Variants in MRPS28 observed in about 807,000 individuals in gnomAD.
MRPS28 encodes small ribosomal subunit protein bS1m.
MRPS28 carries 7 observed loss-of-function variants against 10.8 expected under a neutral mutation model. That is an observed-to-expected ratio of 0.65 (90% CI 0.37 to 1.22). MRPS28 has a LOEUF of 1.22. Among genes scored for constraint, MRPS28 ranks in the 50% most tolerant of loss-of-function variants. MRPS28 has a pLI of 0.02. For missense variants in MRPS28, 265 were observed against 232.9 expected (o/e 1.14, Z -0.90); for synonymous variants, 121 against 93.3 (o/e 1.30, Z -1.71).
chr8:79,973,928 T>C (rs751929719), intron 2 of MRPS28, among the ~76,000 whole-genome samples: 1 of 152,238 alleles, frequency 6.6e-6, no homozygotes, highest in Non-Finnish European at 1.5e-5. Flanking sequence ...TATTTTATTA[T>C]TTTTTAGAGA....
intron 2 of MRPS28, among the ~76,000 whole-genome samples, chr8:79,965,160 A>G (rs906868915): frequency 4.6e-5 from 7 of 152,142 alleles, no homozygotes; most frequent in Non-Finnish European, 8.8e-5. Flanking sequence ...AGAAAAGACA[A>G]TAACAAACAT....
intron 2 of MRPS28, among the ~76,000 whole-genome samples, chr8:79,920,193 T>A (rs1810049917): frequency 1.3e-5 from 2 of 152,296 alleles, no homozygotes; most frequent in South Asian, 2.1e-4. Context: ...TCTATCATTG[T>A]TGGACATTTG....
At chr8:80,000,366 A>T (rs1429589976) in intron 2 of MRPS28, among the ~76,000 whole-genome samples, 2 of 152,210 alleles carry the variant, frequency 1.3e-5, no homozygotes, top group African/African-American at 4.8e-5. Flanking sequence ...ACTACAGAAC[A>T]AAGAGATGTA....
chr8:80,013,440 G>A (rs1207648440), intron 1 of MRPS28, among the ~76,000 whole-genome samples: 1 of 151,852 alleles, frequency 6.6e-6, no homozygotes, highest in Non-Finnish European at 1.5e-5. Context: ...TTCGAGAACA[G>A]CCTGACCAAC....
intron 1 of MRPS28, among the ~76,000 whole-genome samples, chr8:80,010,025 A>G (rs1808988531): frequency 6.6e-6 from 1 of 152,232 alleles, no homozygotes; most frequent in African/African-American, 2.4e-5. Flanking sequence ...TCTTTCTCCT[A>G]AAGTAAATTC....
intron 2 of MRPS28, among the ~76,000 whole-genome samples, chr8:79,954,020 A>G (rs1347393075): frequency 6.6e-6 from 1 of 152,190 alleles, no homozygotes; most frequent in East Asian, 1.9e-4. Flanking sequence ...TTTTTTAAAC[A>G]CTGACAGTAA....
intron 2 of MRPS28, among the ~76,000 whole-genome samples, chr8:79,993,879 C>T (rs1477431921): frequency 3.9e-5 from 6 of 152,194 alleles, no homozygotes; most frequent in Admixed American, 2.0e-4. Flanking sequence ...ACATATCACA[C>T]AATCTGAAAT....
chr8:79,954,311 T>C (rs146321677), intron 2 of MRPS28, among the ~76,000 whole-genome samples: 2 of 152,298 alleles, frequency 1.3e-5, no homozygotes, highest in Non-Finnish European at 2.9e-5. Flanking sequence ...GCATATCCTA[T>C]GACCAGCAAT....
intron 2 of MRPS28, among the ~76,000 whole-genome samples, chr8:79,980,331 A>G (rs1807921847): frequency 6.6e-6 from 1 of 152,220 alleles, no homozygotes. Flanking sequence ...CCATGATCTT[A>G]ACTAGTATTA....
intron 2 of MRPS28, among the ~76,000 whole-genome samples, chr8:79,948,344 T>A (rs1337647871): frequency 2.6e-5 from 4 of 152,238 alleles, no homozygotes; most frequent in Non-Finnish European, 5.9e-5. Flanking sequence ...TTGTTTTTTA[T>A]ACTGGCTGTG....
rs748917331 is a variant in MRPS28, at chr8:80,002,955, CT to C, written c.395+43del. ...CAACAATACTTTTGCGCTATCCCAA[CT>C]TTTATGAATACTCTTAAGGTACTTG... is the stretch of plus-strand genomic sequence containing the variant. On this transcript the variant is annotated intron_variant, in intron 2 of 2. Transcript: ENST00000276585. 7.0e-6 allele frequency: 10 copies of C among 1,435,158 alleles called. 1 individual carries two copies. The South Asian group carries it at 1.6e-4, about 23-fold the overall frequency. 88.9% of individuals were successfully genotyped at this position (1,435,158 alleles called of 1,614,324 possible).
intron 2 of MRPS28, among the ~76,000 whole-genome samples, chr8:79,982,930 A>G (rs561209261): frequency 2.0e-4 from 28 of 140,022 alleles, no homozygotes; most frequent in Non-Finnish European, 3.1e-4. Context: ...CCCAGCACAC[A>G]GCTGGAGATC....
intron 2 of MRPS28, among the ~76,000 whole-genome samples, chr8:79,981,067 A>T (rs183465006): frequency 3.3e-5 from 5 of 152,292 alleles, no homozygotes; most frequent in Admixed American, 2.6e-4. Context: ...AGTGGCTCAC[A>T]CCTGTAAACC....
chr8:79,990,384 T>C (rs1319683173), intron 2 of MRPS28, among the ~76,000 whole-genome samples: 2 of 152,100 alleles, frequency 1.3e-5, no homozygotes, highest in Admixed American at 1.3e-4. Flanking sequence ...CAGCCTCTAA[T>C]CACCTCTTGT....
chr8:80,000,574 G>A (rs533720654), intron 2 of MRPS28, among the ~76,000 whole-genome samples: 33 of 152,306 alleles, frequency 2.2e-4, no homozygotes, highest in Admixed American at 5.9e-4. Flanking sequence ...GTGTGCATAT[G>A]TGGTATATAT....
chr8:79,945,331 A>AC (rs1235898029), intron 2 of MRPS28, among the ~76,000 whole-genome samples: 4 of 152,246 alleles, frequency 2.6e-5, no homozygotes, highest in African/African-American at 9.6e-5. Context: ...AATAGAACTG[A>AC]CAAGAATAAA....
At chr8:79,928,585 G>A (rs1806366773) in intron 2 of MRPS28, among the ~76,000 whole-genome samples, 1 of 151,800 alleles carries the variant, frequency 6.6e-6, no homozygotes, top group South Asian at 2.1e-4. Context: ...GATTATAGGT[G>A]TGTGCTACCA....
chr8:79,983,116 G>C (rs1293233955), intron 2 of MRPS28, among the ~76,000 whole-genome samples: 1 of 152,086 alleles, frequency 6.6e-6, no homozygotes. Flanking sequence ...CACGGTTCAA[G>C]AAAATCCACT....
chr8:79,945,782 T>C (rs1453264987), intron 2 of MRPS28, among the ~76,000 whole-genome samples: 1 of 152,318 alleles, frequency 6.6e-6, no homozygotes, highest in South Asian at 2.1e-4. Flanking sequence ...AGAAAATGTA[T>C]AATCTAAAAA....
Sources: allele counts gnomAD v4.1 joint callset (sites outside exome capture counted in the v4.1 genomes callset), GRCh38; gene constraint gnomAD v4.1.1; transcripts MANE v1.5; gene names NCBI Gene and HGNC (gene_info 2026-07-23, HGNC 2026-07-21).